Variants in TMEM143 observed in about 807,000 individuals in gnomAD.
The protein encoded by TMEM143 is transmembrane protein 143.
Under a neutral mutation model 40.3 loss-of-function variants are expected in TMEM143, and 45 were observed. The observed-to-expected ratio is 1.12, with a 90% CI of 0.88 to 1.43. TMEM143 has a LOEUF of 1.43. Among genes scored for constraint, TMEM143 ranks in the 40% most tolerant of loss-of-function variants. The pLI is 0.00. For missense variants in TMEM143, 620 were observed against 613.4 expected, an observed-to-expected ratio of 1.01 and a Z score of -0.11; for synonymous variants, 299 against 282.7, an observed-to-expected ratio of 1.06 and a Z score of -0.58.
rs377052735 is a variant in TMEM143 at position 48,345,470 on chromosome 19, AT to A, written c.370-117del. 44 of 670,510 alleles carry A rather than the reference AT, an allele frequency of 6.6e-5. 1 individual carries two copies. Among genetic ancestry groups the A allele is most frequent in the Admixed American group, 1.4e-4 (3 of 21,464 alleles). The allele number at this position is 670,510 out of a possible 1,614,324, so 41.5% of individuals were successfully genotyped here. A position where few individuals can be genotyped will look rare whatever the true frequency, so the allele number is the denominator to read the frequency against. On this transcript the variant is annotated intron_variant, in intron 3 of 7. Transcript: ENST00000293261. ...CATTTATTTATTTATTTATTTATTT[AT>A]TTTATTGAGATAGAGTCTCGCTCTG...
chr19:48,334,444 T>C (rs1403243028), intron 6 of TMEM143, among the ~76,000 whole-genome samples: 1 of 45,084 alleles, frequency 2.2e-5, no homozygotes, highest in South Asian at 5.8e-4. Flanking sequence ...CTTTCTTTCT[T>C]TCTTTCTTTC....
At chr19:48,336,377 TAGTC>T (rs967900760) in intron 6 of TMEM143, among the ~76,000 whole-genome samples, 3 of 150,906 alleles carry the variant, frequency 2.0e-5, no homozygotes, top group South Asian at 4.2e-4. Context: ...AAAAAAAAAT[TAGTC>T]AGGTATGGTG....
At chr19:48,343,544 T>G in intron 4 of TMEM143, 93 bp from the exon 5 acceptor site, 3 of 1,439,120 alleles carry the variant, frequency 2.1e-6, no homozygotes, top group East Asian at 2.5e-5. Context: ...CCCTAAATAA[T>G]TCCCCCGTTT....
chr19:48,345,976 G>C (rs1455431063), intron 3 of TMEM143, among the ~76,000 whole-genome samples: 1 of 150,626 alleles, frequency 6.6e-6, no homozygotes, highest in African/African-American at 2.4e-5. Context: ...GTAGAGAAGG[G>C]GTTTCACCAT....
Position 48,345,298 on chromosome 19 carries a change from C to T in TMEM143, c.426G>A (p.Thr142=), listed in dbSNP as rs747301270. The part of the protein sequence containing the change: ...DRETLDQPSL[T]DPQRLSNEQE... ...GCTCATTAGACAGACGCTGGGGATC[C>T]GTTAGTGATGGCTGATCGAGGGTCT... Residue 142 remains threonine (T), a synonymous_variant, in exon 4 of 8, where the codon ACG becomes ACA. Transcript: ENST00000293261. 15 of 1,605,048 alleles carry T rather than the reference C, an allele frequency of 9.3e-6. No individual in the cohort carries two copies. Among genetic ancestry groups the T allele is most frequent in the Admixed American group, 1.7e-5 (1 of 58,510 alleles).
chr19:48,363,530 G>A lies in TMEM143; in HGVS notation c.25C>T (p.Leu9Phe), dbSNP rs150715953. 5.1e-5 allele frequency: 81 copies of A among 1,598,218 alleles called. No individual in the cohort carries two copies. In the African/African-American group the frequency reaches 8.6e-4, roughly 17 times the overall value. Residue 9 changes from leucine to phenylalanine, a missense_variant and splice_region_variant, in exon 2 of 8, where the codon CTC becomes TTC. Leu to Phe is a conservative substitution (Grantham distance 22). Coordinates refer to ENST00000293261, the MANE Select transcript of TMEM143 (RefSeq NM_018273.4). ...AGCATGGCTAGACCCTTTCCCCGGAGCCTAAACAGAGGAAAATGGGCAGGG... is the reference window on the plus strand; with the variant it reads ...AGCATGGCTAGACCCTTTCCCCGGAACCTAAACAGAGGAAAATGGGCAGGG... MTVELWLR[L>F]RGKGLAMLHV...
In TMEM143 at chr19:48,333,429, G is replaced by T; in HGVS notation, c.1170C>A (p.Thr390=). 6.3e-6 allele frequency: 10 copies of T among 1,585,272 alleles called. No homozygotes were observed. Among genetic ancestry groups the T allele is most frequent in the Non-Finnish European group, 8.6e-6 (10 of 1,162,554 alleles). Residue 390 remains threonine (T), a synonymous_variant, in exon 8 of 8, where the codon ACC becomes ACA. Transcript: ENST00000293261. The surrounding 1 kb of genome is among the most constrained non-coding windows in gnomAD (Gnocchi z 4.1). ...PGGTQGSPEE[T]SRWLRSEVEN... ...CCACCTCCGACCGGAGCCACCTGGA[G>T]GTCTCTGCAAGGGGAGAGGCAGGTG...
Position 48,333,395 on chromosome 19 carries a change from G to A in TMEM143, c.1204C>T (p.Leu402Phe). ...ACCTCACAGCCTGACTTGGCTAGGA[G>A]CCAGTTCTCCACCTCCGACCGGAGC... ...RWLRSEVENW[L>F]LAKSGCEVTF... Residue 402 changes from leucine (L) to phenylalanine (F), a missense_variant, in exon 8 of 8, where the codon CTC (leucine) becomes TTC (phenylalanine). Coordinates refer to ENST00000293261, the MANE Select transcript of TMEM143 (RefSeq NM_018273.4). This position sits in a 1 kb window ranked among gnomAD's most constrained non-coding sequence, Gnocchi z 4.1. 2 of 1,607,132 alleles carry A rather than the reference G, an allele frequency of 1.2e-6. No homozygotes were observed. Among genetic ancestry groups the A allele is most frequent in the South Asian group, 1.1e-5 (1 of 90,398 alleles).
chr19:48,361,624 G>A (rs1001954342), intron 2 of TMEM143, among the ~76,000 whole-genome samples: 14 of 150,336 alleles, frequency 9.3e-5, no homozygotes, highest in Admixed American at 7.4e-4. Flanking sequence ...TCCGCTTCCC[G>A]GGTTCACACC....
chr19:48,335,701 C>A (rs528835835), intron 6 of TMEM143, among the ~76,000 whole-genome samples: 1 of 152,154 alleles, frequency 6.6e-6, no homozygotes, highest in Non-Finnish European at 1.5e-5. Flanking sequence ...CCAGCCTGGG[C>A]AACAAGAATG....
At chr19:48,346,734 C>T (rs1486982600) in intron 3 of TMEM143, among the ~76,000 whole-genome samples, 2 of 151,896 alleles carry the variant, frequency 1.3e-5, no homozygotes, top group African/African-American at 2.4e-5. Context: ...CCCACCACCA[C>T]GCCTGGCTAA....
chr19:48,363,680 C>T (rs1970123659), intron 1 of TMEM143, 149 bp from the exon 2 acceptor site: 2 of 1,388,902 alleles, frequency 1.4e-6, no homozygotes, highest in African/African-American at 1.5e-5. Context: ...TGCCTGTCCC[C>T]TTCCCACACT....
chr19:48,355,997 G>A (rs1270150793), intron 3 of TMEM143, among the ~76,000 whole-genome samples: 3 of 152,222 alleles, frequency 2.0e-5, no homozygotes, highest in Non-Finnish European at 2.9e-5. Context: ...AGTACTGCTT[G>A]CGTGTTGTCA....
At chr19:48,354,216 C>T (rs1341585020) in intron 3 of TMEM143, among the ~76,000 whole-genome samples, 2 of 150,540 alleles carry the variant, frequency 1.3e-5, no homozygotes, top group African/African-American at 4.9e-5. Flanking sequence ...GCCTCGGCCT[C>T]CCAAAGTGCT....
Position 48,363,270 on chromosome 19 carries a change from TG to T in TMEM143, c.264+20del. On this transcript the variant is annotated intron_variant, in intron 2 of 7. Transcript: ENST00000293261. ...CTGGGAGCCGTAGTCCCCAGGCTCT[TG>T]GGCCTGGGACAGGCGGTACCTGTAT... 1 of 1,602,428 alleles carries T rather than the reference TG, an allele frequency of 6.2e-7. No homozygotes were observed. The highest frequency in any genetic ancestry group is 1.3e-5 in the African/African-American group (1 of 74,430).
At position 48,360,118 on chromosome 19, in the gene TMEM143, T is replaced by C. The variant is rs1411289519; in HGVS notation, c.323A>G (p.Asp108Gly). The change falls in exon 3 of 8, where the codon GAC becomes GGC. Residue 108 changes from aspartate to glycine, a missense_variant. Transcript: ENST00000293261. ...AALEAFSAHV[D>G]FCTLFHYHQI... ...GTGGTAGTGGAACAGGGTGCAGAAGTCCACGTGGGCCGAGAACGCCTCCAA... is the reference window on the plus strand; with the variant it reads ...GTGGTAGTGGAACAGGGTGCAGAAGCCCACGTGGGCCGAGAACGCCTCCAA... 1.2e-6 allele frequency: 2 copies of C among 1,614,076 alleles called. No homozygotes were observed. The highest frequency in any genetic ancestry group is 3.3e-5 in the Admixed American group (2 of 59,998).
chr19:48,351,283 C>T (rs1355330138), intron 3 of TMEM143, among the ~76,000 whole-genome samples: 1 of 152,154 alleles, frequency 6.6e-6, no homozygotes, highest in Non-Finnish European at 1.5e-5. Context: ...TGGAGTCTTC[C>T]CTTTCTCACA....
At chr19:48,334,341 C>T (rs1193278649) in intron 6 of TMEM143, 144 bp from the exon 7 acceptor site, 3 of 721,494 alleles carry the variant, frequency 4.2e-6, no homozygotes, top group Non-Finnish European at 6.4e-6. Context: ...CTCTTCAGTA[C>T]GGGTCCCCAG....
chr19:48,333,991 C>T lies in TMEM143; in HGVS notation c.1165+17G>A. ...GGGTGTGGCCCCTGGGGGCAGGGTC[C>T]CAGGGCCACGTCCTACCTTCGGGCG... On this transcript the variant is annotated intron_variant, in intron 7 of 7. Coordinates refer to ENST00000293261, the MANE Select transcript of TMEM143 (RefSeq NM_018273.4). This position sits in a 1 kb window ranked among gnomAD's most constrained non-coding sequence, Gnocchi z 4.1. 6.6e-7 allele frequency: 1 copy of T among 1,524,828 alleles called. No individual in the cohort carries two copies. The highest frequency in any genetic ancestry group is 8.8e-7 in the Non-Finnish European group (1 of 1,137,364). 94.5% of individuals were successfully genotyped at this position (1,524,828 alleles called of 1,614,324 possible). A position where few individuals can be genotyped will look rare whatever the true frequency, so the allele number is the denominator to read the frequency against.
Sources: allele counts gnomAD v4.1 joint callset (sites outside exome capture counted in the v4.1 genomes callset), GRCh38; gene constraint gnomAD v4.1.1; non-coding constraint Gnocchi (gnomAD v3.1); transcripts MANE v1.5; gene names NCBI Gene and HGNC (gene_info 2026-07-23, HGNC 2026-07-21).